The following EPB41L1 variants were observed in gnomAD, a reference collection of about 807,000 sequenced individuals.
EPB41L1 encodes the protein band 4.1-like protein 1.
EPB41L1 carries 29 observed loss-of-function variants against 97.8 expected under a neutral mutation model. That is an observed-to-expected ratio of 0.30 (90% confidence interval 0.22 to 0.40). EPB41L1 has a LOEUF of 0.40. Ranked by LOEUF, EPB41L1 falls within the 10% of genes least tolerant of loss-of-function variation. The pLI is 1.00. For synonymous variants in EPB41L1, 383 were observed against 459.2 expected (o/e 0.83, Z 2.12); for missense variants, 812 against 1,162.3 (o/e 0.70, Z 4.38).
At chr20:36,129,189 C>G (rs1451999709) in intron 2 of EPB41L1, among the ~76,000 whole-genome samples, 1 of 151,950 alleles carries the variant, frequency 6.6e-6, no homozygotes, top group African/African-American at 2.4e-5. Flanking sequence ...TTTGCGAGTC[C>G]CTGTGGAAAC....
intron 1 of EPB41L1, among the ~76,000 whole-genome samples, chr20:36,107,935 A>C (rs1331973167): frequency 6.6e-6 from 1 of 152,076 alleles, no homozygotes; most frequent in East Asian, 1.9e-4. Flanking sequence ...GATTTAGAAG[A>C]GGATGTATTA....
At chr20:36,227,207 C>T (rs1357599290) in intron 21 of EPB41L1, among the ~76,000 whole-genome samples, 1 of 152,052 alleles carries the variant, frequency 6.6e-6, no homozygotes, top group Non-Finnish European at 1.5e-5. Context: ...GTCCCAGCTA[C>T]TTGGGAAGTT....
intron 1 of EPB41L1, among the ~76,000 whole-genome samples, chr20:36,159,949 T>C (rs1320363305): frequency 2.0e-5 from 3 of 152,196 alleles, no homozygotes; most frequent in Non-Finnish European, 4.4e-5. Context: ...CAAGATTGAA[T>C]AAGTTAAGGC....
intron 1 of EPB41L1, among the ~76,000 whole-genome samples, chr20:36,168,841 C>T (rs2060850573): frequency 6.6e-6 from 1 of 152,000 alleles, no homozygotes; most frequent in South Asian, 2.1e-4. Flanking sequence ...CGTGAGCCGC[C>T]ACACTGGGCC....
chr20:36,142,270 C>T (rs1471150587), intron 2 of EPB41L1, among the ~76,000 whole-genome samples: 1 of 152,056 alleles, frequency 6.6e-6, no homozygotes, highest in Non-Finnish European at 1.5e-5. Flanking sequence ...TGTGTGGCTG[C>T]GTAGTATTTC....
At chr20:36,094,292 A>G (rs2057759996) in intron 1 of EPB41L1, among the ~76,000 whole-genome samples, 1 of 152,230 alleles carries the variant, frequency 6.6e-6, no homozygotes, top group African/African-American at 2.4e-5. Flanking sequence ...TTTTGCTGCC[A>G]AATGGAATAG....
Position 36,206,421 on chromosome 20 carries a change from C to T in EPB41L1, c.1669-3067C>T, listed in dbSNP as rs1340869941. 5 of 1,290,038 alleles carry T rather than the reference C, an allele frequency of 3.9e-6. No homozygotes were observed. The Admixed American group carries it at 1.1e-4, about 30-fold the overall frequency. The allele number at this position is 1,290,038 out of a possible 1,614,324, so 79.9% of individuals were successfully genotyped here. On this transcript the variant is annotated intron_variant, in intron 14 of 21. Transcript: ENST00000338074. The surrounding 1 kb of genome is among the most constrained non-coding windows in gnomAD (Gnocchi z 5.5). ...TATTGGATCCAGCCCACGCAGAAGCCAGAGCTGAGTTGAGCAATGAAACTG... is the reference window on the plus strand; with the variant it reads ...TATTGGATCCAGCCCACGCAGAAGCTAGAGCTGAGTTGAGCAATGAAACTG...
intron 1 of EPB41L1, among the ~76,000 whole-genome samples, chr20:36,165,137 A>C (rs2060687472): frequency 6.6e-6 from 1 of 151,896 alleles, no homozygotes; most frequent in African/African-American, 2.4e-5. Flanking sequence ...ACGCACCACC[A>C]CACTTGGCTA....
intron 18 of EPB41L1, 64 bp from the exon 19 acceptor site, chr20:36,219,686 CCACCCCGCCCT>C: frequency 7.7e-7 from 1 of 1,300,140 alleles, no homozygotes; most frequent in African/African-American, 1.5e-5. Flanking sequence ...GCCCTTTACC[CCACCCCGCCCT>C]CACCCCTCCA....
intron 15 of EPB41L1, among the ~76,000 whole-genome samples, chr20:36,210,175 C>T (rs910568554): frequency 2.6e-5 from 4 of 152,188 alleles, no homozygotes; most frequent in African/African-American, 9.7e-5. Flanking sequence ...ACCCCATGCC[C>T]CCCCACCTGT....
chr20:36,093,881 G>A lies in EPB41L1; in HGVS notation c.-65+2269G>A, dbSNP rs2057746988. Among the ~76,000 whole-genome samples, 1 of 151,978 alleles carries A rather than the reference G, an allele frequency of 6.6e-6. No individual in the cohort carries two copies. The highest frequency in any genetic ancestry group is 2.1e-4 in the South Asian group (1 of 4,820). The stretch of plus-strand genomic sequence containing the variant: ...CCCCCACCAGACCTAGCCTGTGCCA[G>A]TCTCACCCGTGCAGGGCTCTGGGTG... On this transcript the variant is annotated intron_variant, in intron 1 of 19. Coordinates refer to the EPB41L1 transcript ENST00000202028. The surrounding 1 kb of genome is among the most constrained non-coding windows in gnomAD (Gnocchi z 5.4).
chr20:36,118,935 T>A (rs1489571922), intron 2 of EPB41L1, among the ~76,000 whole-genome samples: 1 of 152,198 alleles, frequency 6.6e-6, no homozygotes, highest in East Asian at 1.9e-4. Flanking sequence ...ATGACTTACC[T>A]AGGGCAATTG....
At chr20:36,172,461 T>C (rs1189578724) in intron 1 of EPB41L1, among the ~76,000 whole-genome samples, 7 of 152,266 alleles carry the variant, frequency 4.6e-5, no homozygotes, top group African/African-American at 1.7e-4. Flanking sequence ...TGTCACCCAG[T>C]TCCCAGGGAT....
At chr20:36,226,206 G>A (rs190805746) in intron 21 of EPB41L1, among the ~76,000 whole-genome samples, 7 of 152,280 alleles carry the variant, frequency 4.6e-5, no homozygotes, top group Admixed American at 4.6e-4. Context: ...ATGCCTCTTG[G>A]TACCCCAAGG....
At chr20:36,158,611 G>A (rs2060408419) in intron 1 of EPB41L1, among the ~76,000 whole-genome samples, 1 of 152,184 alleles carries the variant, frequency 6.6e-6, no homozygotes, top group African/African-American at 2.4e-5. Flanking sequence ...TTGGGTTTTT[G>A]ATGGAGCTCT....
chr20:36,209,928 C>A lies in EPB41L1; in HGVS notation c.2079+30C>A, dbSNP rs1194917194. ...AGTGGAGCTTCCTCAAGAGCCAGGC[C>A]CGCTGGGCACCGCATGCTCAGAGGG... On this transcript the variant is annotated intron_variant, in intron 15 of 21. Transcript: ENST00000338074. The surrounding 1 kb of genome is among the most constrained non-coding windows in gnomAD (Gnocchi z 4.2). 6.2e-7 allele frequency: 1 copy of A among 1,609,014 alleles called. No individual in the cohort carries two copies. Among genetic ancestry groups the A allele is most frequent in the African/African-American group, 1.3e-5 (1 of 74,790 alleles).
intron 1 of EPB41L1, among the ~76,000 whole-genome samples, chr20:36,169,992 A>G (rs979524417): frequency 1.4e-4 from 22 of 152,196 alleles, no homozygotes; most frequent in Non-Finnish European, 2.1e-4. Context: ...AGCAGGCTCC[A>G]TCAGTCTGTG....
In EPB41L1 at chr20:36,229,256, C is replaced by A. The variant is rs2064372313; in HGVS notation, c.2638-76C>A. 1.0e-5 allele frequency: 13 copies of A among 1,243,636 alleles called. No individual in the cohort carries two copies. In the Admixed American group the frequency reaches 1.5e-4, roughly 14 times the overall value. 77.0% of individuals were successfully genotyped at this position (1,243,636 alleles called of 1,614,324 possible). ...ATTTTAAAACAAGTGACAGAAGTTA[C>A]TAATTTTTCTTGTCCTCTTCCTTCC... On this transcript the variant is annotated intron_variant, in intron 21 of 21. Transcript: ENST00000338074.
intron 17 of EPB41L1, among the ~76,000 whole-genome samples, chr20:36,216,006 A>G (rs1048390365): frequency 6.6e-6 from 1 of 152,212 alleles, no homozygotes; most frequent in African/African-American, 2.4e-5. Flanking sequence ...CAGTAATAGC[A>G]TGACCTCAAA....
Sources: allele counts gnomAD v4.1 joint callset (sites outside exome capture counted in the v4.1 genomes callset), GRCh38; gene constraint gnomAD v4.1.1; non-coding constraint Gnocchi (gnomAD v3.1); transcripts MANE v1.5; gene names NCBI Gene and HGNC (gene_info 2026-07-23, HGNC 2026-07-21).